Variants in ISY1 observed in about 807,000 individuals in gnomAD.
ISY1 encodes ISY1 spliceosome associated protein, also known as pre-mRNA-splicing factor ISY1 homolog.
ISY1 carries 12 observed loss-of-function variants against 54.4 expected under a neutral mutation model. That is an observed-to-expected ratio of 0.22 (90% CI 0.14 to 0.36). ISY1 has a LOEUF of 0.36. Among genes scored for constraint, ISY1 ranks in the 10% least tolerant of loss-of-function variants. ISY1 has a pLI of 1.00. For synonymous variants in ISY1, 96 were observed against 117.9 expected (o/e 0.81, Z 1.20); for missense variants, 282 against 342.2 (o/e 0.82, Z 1.39).
rs986745559 is a variant in ISY1, at chr3:129,156,644, T to G, written c.176A>C (p.Gln59Pro). The change falls in exon 5 of 11, where the codon CAG becomes CCG. Residue 59 changes from glutamine to proline, a missense_variant. Transcript: ENST00000393295. ...ACAAGTTTGCTTACCATTCTGAATCTGAGCCACTTTTTTAGAGATCTCTCC... is the reference window on the plus strand; with the variant it reads ...ACAAGTTTGCTTACCATTCTGAATCGGAGCCACTTTTTTAGAGATCTCTCC... ...IIGEISKKVA[Q>P]IQNAGLGEFR... is the part of the protein sequence containing the mutation. The G allele has an allele frequency of 1.9e-6, 3 of 1,611,764 alleles. No individual in the cohort carries two copies. The highest frequency in any genetic ancestry group is 1.7e-6 in the Non-Finnish European group (2 of 1,179,114).
At chr3:129,132,226 C>T (rs1416431340) in intron 9 of ISY1, among the ~76,000 whole-genome samples, 2 of 152,186 alleles carry the variant, frequency 1.3e-5, no homozygotes, top group African/African-American at 2.4e-5. Context: ...ATGTCAACCT[C>T]CCAGTTTTAC....
At chr3:129,160,923 C>CGGGGGGGGGGGGGGG in intron 1 of ISY1, 50 bp downstream of exon 1, 1 of 422,886 alleles carries the variant, frequency 2.4e-6, no homozygotes, top group Non-Finnish European at 4.7e-6. Flanking sequence ...TGGGCGCCCC[C>CGGGGGGGGGGGGGGG]CCGCCCGCCC....
chr3:129,141,017 A>G (rs1272136986), intron 6 of ISY1, among the ~76,000 whole-genome samples: 2 of 151,500 alleles, frequency 1.3e-5, no homozygotes, highest in African/African-American at 4.9e-5. Context: ...CAGCCTGGGC[A>G]ACATGGCAAA....
At chr3:129,150,951 T>G (rs1936947712) in intron 5 of ISY1, among the ~76,000 whole-genome samples, 1 of 150,358 alleles carries the variant, frequency 6.7e-6, no homozygotes, top group Non-Finnish European at 1.5e-5. Context: ...ATGGTGAAAC[T>G]CTGTCTCTAC....
intron 9 of ISY1, among the ~76,000 whole-genome samples, chr3:129,131,659 C>T (rs1464517814): frequency 1.3e-5 from 2 of 152,198 alleles, no homozygotes; most frequent in Non-Finnish European, 2.9e-5. Flanking sequence ...TTGAACTCAA[C>T]AACCAGAGGG....
intron 5 of ISY1, among the ~76,000 whole-genome samples, chr3:129,153,192 T>C (rs1937029135): frequency 6.6e-6 from 1 of 151,996 alleles, no homozygotes; most frequent in African/African-American, 2.4e-5. Context: ...GTATTTTTCA[T>C]AGAGACAGGG....
chr3:129,158,476 C>T (rs1937210725), intron 3 of ISY1, 32 bp downstream of exon 3: 2 of 1,612,290 alleles, frequency 1.2e-6, no homozygotes, highest in Admixed American at 1.7e-5. Context: ...ATTCTTGATA[C>T]TTTACAATTC....
intron 6 of ISY1, among the ~76,000 whole-genome samples, chr3:129,143,763 C>G (rs563638828): frequency 1.3e-5 from 2 of 151,444 alleles, no homozygotes; most frequent in Admixed American, 6.6e-5. Context: ...AAACAAAATC[C>G]AGAACCAAAA....
chr3:129,156,347 C>T (rs1051060792), intron 5 of ISY1, among the ~76,000 whole-genome samples: 4 of 143,812 alleles, frequency 2.8e-5, no homozygotes, highest in Non-Finnish European at 6.0e-5. Context: ...TGCAGTGAGC[C>T]GAGATCGCAC....
At chr3:129,145,286 G>T (rs374977679) in intron 6 of ISY1, among the ~76,000 whole-genome samples, 1 of 149,950 alleles carries the variant, frequency 6.7e-6, no homozygotes, top group Non-Finnish European at 1.5e-5. Context: ...GTGCAGTGGC[G>T]ATCTTGGCTC....
At chr3:129,153,152 C>T (rs1937027803) in intron 5 of ISY1, among the ~76,000 whole-genome samples, 1 of 151,770 alleles carries the variant, frequency 6.6e-6, no homozygotes, top group South Asian at 2.1e-4. Flanking sequence ...TAGGATTACA[C>T]GCATGCGTCA....
At chr3:129,141,500 A>G (rs1409318612) in intron 6 of ISY1, among the ~76,000 whole-genome samples, 5 of 151,558 alleles carry the variant, frequency 3.3e-5, no homozygotes, top group African/African-American at 7.3e-5. Context: ...CACGCCTGTA[A>G]TCTCAGCACT....
At chr3:129,156,376 G>A (rs1165933394) in intron 5 of ISY1, among the ~76,000 whole-genome samples, 1 of 141,320 alleles carries the variant, frequency 7.1e-6, no homozygotes, top group Non-Finnish European at 1.5e-5. Flanking sequence ...TCCAGCCTGG[G>A]TGACAGAGTG....
At chr3:129,148,992 A>G (rs946839121) in intron 5 of ISY1, among the ~76,000 whole-genome samples, 7 of 152,204 alleles carry the variant, frequency 4.6e-5, no homozygotes, top group Admixed American at 1.3e-4. Flanking sequence ...AATTGTTTTC[A>G]TAACTTTGTC....
At chr3:129,157,900 T>C (rs1395739248) in intron 3 of ISY1, among the ~76,000 whole-genome samples, 1 of 151,954 alleles carries the variant, frequency 6.6e-6, no homozygotes, top group Non-Finnish European at 1.5e-5. Context: ...GTTTGAAGTC[T>C]GTTGACCTGG....
intron 3 of ISY1, 113 bp downstream of exon 3, chr3:129,158,395 G>A: frequency 6.9e-7 from 1 of 1,451,174 alleles, no homozygotes. Flanking sequence ...CTAGACTCAA[G>A]TGATCCACCC....
rs1370130305 is a variant in ISY1 at position 129,133,613 on chromosome 3, G to A, written c.663+461C>T. On this transcript the variant is annotated intron_variant, in intron 9 of 10. Coordinates refer to ENST00000393295, the MANE Select transcript of ISY1 (RefSeq NM_020701.4). ...GGAGGTTGAGGCAGAAGAATTGCTT[G>A]AACCCGGAAGGCAGAGGTTGCAGTG... Among the ~76,000 whole-genome samples the A allele has an allele frequency of 5.3e-5, 8 of 152,218 alleles. No individual in the cohort carries two copies. In the South Asian group the frequency reaches 1.4e-3, roughly 28 times the overall value.
intron 5 of ISY1, among the ~76,000 whole-genome samples, chr3:129,154,851 G>C (rs1937089923): frequency 6.6e-6 from 1 of 151,922 alleles, no homozygotes; most frequent in African/African-American, 2.4e-5. Flanking sequence ...ACCACATCCA[G>C]CTAATTTTTT....
intron 3 of ISY1, 99 bp from the exon 4 acceptor site, chr3:129,157,019 C>T: frequency 1.5e-6 from 2 of 1,337,142 alleles, no homozygotes; most frequent in Admixed American, 2.3e-5. Context: ...ATCTAATGGC[C>T]TAAAAACATT....
Sources: gnomAD v4.1 joint callset for allele counts (sites outside exome capture counted in the v4.1 genomes callset) on GRCh38, gnomAD v4.1.1 for gene constraint, MANE v1.5 for transcripts, NCBI Gene and HGNC (gene_info 2026-07-23, HGNC 2026-07-21) for gene names.